The following ZNF676 variants were observed in gnomAD, a reference collection of about 807,000 sequenced individuals.
ZNF676 encodes the protein zinc finger protein 676.
In ZNF676, 4 loss-of-function variants were observed where a neutral mutation model predicts 6.0. The observed-to-expected ratio is 0.67, with a 90% confidence interval of 0.33 to 1.53. ZNF676 has a LOEUF of 1.53. Ranked by LOEUF, ZNF676 falls within the 40% of genes most tolerant of loss-of-function variation. ZNF676 has a pLI of 0.06. For synonymous variants in ZNF676, 198 were observed against 223.1 expected (o/e 0.89, Z 1.00); for missense variants, 644 against 679.7 (o/e 0.95, Z 0.58).
chr19:22,186,176 G>A (rs1001180958), intron 2 of ZNF676, among the ~76,000 whole-genome samples: 21 of 152,248 alleles, frequency 1.4e-4, no homozygotes, highest in Admixed American at 7.8e-4. Flanking sequence ...GACTAACAGT[G>A]GATCTCTCTG....
chr19:22,181,327 T>A lies in ZNF676; in HGVS notation c.390A>T (p.Arg130Ser), dbSNP rs772808312. The change falls in exon 3 of 3, where the codon AGA (arginine) becomes AGT (serine). Residue 130 changes from arginine to serine, a missense_variant. Physicochemically the swap from Arg to Ser is moderately radical, Grantham distance 110. Around this residue, in one of 5 missense-constraint regions of ZNF676, gnomAD observed 280 missense variants for 269.3 expected, o/e 1.04. Coordinates refer to ENST00000397121, the MANE Select transcript of ZNF676 (RefSeq NM_001001411.3). The part of the protein sequence containing the change: ...NVFHKCSNSN[R>S]HKIRHTGEKG... ...TCTCTCCAGTATGCCTTATCTTATG[T>A]CTGTTTGAATTTGAACATTTATGAA... 7.0e-5 allele frequency: 113 copies of A among 1,613,680 alleles called. No individual in the cohort carries two copies. Among genetic ancestry groups the A allele is most frequent in the Non-Finnish European group, 9.2e-5 (109 of 1,179,782 alleles).
At chr19:22,197,714 A>C (rs566294408), upstream of ZNF676, among the ~76,000 whole-genome samples, 1 of 152,326 alleles carries the variant, frequency 6.6e-6, no homozygotes, top group Admixed American at 6.5e-5. Context: ...GTTTATTCAC[A>C]TCAGCTGCAT....
chr19:22,254,497 T>G, the ZNF676 span, among the ~76,000 whole-genome samples: 13 of 152,214 alleles, frequency 8.5e-5, no homozygotes, highest in Middle Eastern at 3.4e-3. Context: ...CAAGATATGC[T>G]GGGCCCAGGG....
the ZNF676 span, among the ~76,000 whole-genome samples, chr19:22,232,819 T>G: frequency 1.3e-5 from 2 of 152,168 alleles, no homozygotes; most frequent in African/African-American, 4.8e-5. Flanking sequence ...AGCATGCTCC[T>G]GTTCAAAGGT....
In ZNF676 at chr19:22,179,777, C is replaced by T. The variant is rs556541241; in HGVS notation, c.*173G>A. 2.8e-5 allele frequency: 24 copies of T among 845,892 alleles called. No homozygotes were observed. The South Asian group carries it at 3.2e-4, about 11-fold the overall frequency. 52.4% of individuals were successfully genotyped at this position (845,892 alleles called of 1,614,324 possible). On this transcript the variant is annotated 3_prime_UTR_variant, in exon 3 of 3. Coordinates refer to ENST00000397121, the MANE Select transcript of ZNF676 (RefSeq NM_001001411.3). ...CGGTTGAAGCCTTTGTCACATTCTT[C>T]ACGTTTGTAGTGTTTCTCTCCAGCA... is the stretch of plus-strand genomic sequence containing the variant.
Position 22,181,273 on chromosome 19 carries a change from T to A in ZNF676, c.444A>T (p.Arg148Ser), listed in dbSNP as rs1183618838. 8 of 1,613,672 alleles carry A rather than the reference T, an allele frequency of 5.0e-6. No individual in the cohort carries two copies. Among genetic ancestry groups the A allele is most frequent in the Non-Finnish European group, 6.8e-6 (8 of 1,179,820 alleles). ...EKGLKCKEYV[R>S]SFCMLSHLSQ... ...ATAGGTGTGAAAGCATGCAAAATGA[T>A]CTGACATATTCTTTACATTTCAAAC... The change falls in exon 3 of 3, where the codon AGA becomes AGT. Residue 148 changes from arginine to serine, a missense_variant. Arg to Ser is a moderately radical substitution (Grantham distance 110). Around this residue, in one of 5 missense-constraint regions of ZNF676, gnomAD observed 280 missense variants for 269.3 expected, o/e 1.04. Coordinates refer to ENST00000397121, the MANE Select transcript of ZNF676 (RefSeq NM_001001411.3).
intron 1 of ZNF676, among the ~76,000 whole-genome samples, chr19:22,202,038 A>C (rs571259033): frequency 2.6e-5 from 4 of 152,094 alleles, no homozygotes; most frequent in African/African-American, 9.6e-5. Context: ...TCAGATAAAA[A>C]CTTTTTTTTT....
the ZNF676 span, among the ~76,000 whole-genome samples, chr19:22,257,852 G>A: frequency 7.9e-5 from 12 of 152,098 alleles, no homozygotes; most frequent in African/African-American, 2.2e-4. Flanking sequence ...CCTCAGGTGC[G>A]TAGGGCTTAG....
chr19:22,207,071 A>G (rs2024083851), intron 1 of ZNF676, among the ~76,000 whole-genome samples: 1 of 152,196 alleles, frequency 6.6e-6, no homozygotes. Context: ...TATATTCAAC[A>G]TAAAATTGGC....
chr19:22,201,006 C>T (rs59193684), upstream of ZNF676, among the ~76,000 whole-genome samples: 260 of 152,186 alleles, frequency 1.7e-3, 1 homozygote, highest in African/African-American at 5.9e-3. Context: ...AGAGGGTTCC[C>T]AGTGAACCTG....
At chr19:22,189,393 G>T (rs2023875781) in intron 2 of ZNF676, among the ~76,000 whole-genome samples, 1 of 151,720 alleles carries the variant, frequency 6.6e-6, no homozygotes, top group Admixed American at 6.6e-5. Flanking sequence ...TAAAGATGAT[G>T]TAATACCCCA....
intron 2 of ZNF676, among the ~76,000 whole-genome samples, chr19:22,191,751 C>G (rs1194185200): frequency 6.6e-6 from 1 of 152,142 alleles, no homozygotes; most frequent in Admixed American, 6.5e-5. Flanking sequence ...ATAAGCCAAC[C>G]CTAGTGCAGA....
At chr19:22,213,874 G>C (rs1214556975) in intron 1 of ZNF676, among the ~76,000 whole-genome samples, 17 of 152,176 alleles carry the variant, frequency 1.1e-4, no homozygotes, top group Non-Finnish European at 2.9e-5. Flanking sequence ...AAAAACTGAA[G>C]GGTGGCTGAG....
At chr19:22,190,047 T>C (rs2023882670) in intron 2 of ZNF676, among the ~76,000 whole-genome samples, 1 of 152,132 alleles carries the variant, frequency 6.6e-6, no homozygotes, top group African/African-American at 2.4e-5. Context: ...TTATAAATCA[T>C]TCTACTATAA....
the ZNF676 span, among the ~76,000 whole-genome samples, chr19:22,226,214 T>A: frequency 6.6e-6 from 1 of 152,160 alleles, no homozygotes; most frequent in Non-Finnish European, 1.5e-5. Context: ...TTGTGGAAGA[T>A]CATTATTTAC....
At chr19:22,213,396 G>A (rs1350786038) in intron 1 of ZNF676, among the ~76,000 whole-genome samples, 1 of 152,146 alleles carries the variant, frequency 6.6e-6, no homozygotes, top group Admixed American at 6.5e-5. Context: ...ACAGCAATGT[G>A]TCTCCAAGAA....
chr19:22,231,753 C>T, the ZNF676 span, among the ~76,000 whole-genome samples: 2 of 151,322 alleles, frequency 1.3e-5, no homozygotes, highest in African/African-American at 4.9e-5. Flanking sequence ...CAGGCGCGTG[C>T]CACCATGGCC....
At chr19:22,226,724 A>G in the ZNF676 span, among the ~76,000 whole-genome samples, 3 of 151,678 alleles carry the variant, frequency 2.0e-5, no homozygotes, top group Non-Finnish European at 4.4e-5. Context: ...AGCCTCCTGA[A>G]TAGTTGGGAT....
rs779894156 is a variant in ZNF676, at chr19:22,180,342, T to G, written c.1375A>C (p.Thr459Pro). The G allele has an allele frequency of 3.7e-6, 6 of 1,613,902 alleles. No homozygotes were observed. The African/African-American group carries it at 6.7e-5, about 18-fold the overall frequency. ...YKCEECGKAF[T>P]WSSSFTKHKR... The stretch of plus-strand genomic sequence containing the variant: ...TGTTTAGTAAAGCTTGAGGACCAGG[T>G]GAAGGCTTTGCCACATTCTTCACAT... Residue 459 changes from threonine (T) to proline (P), a missense_variant, in exon 3 of 3, where the codon ACC becomes CCC. This residue lies in a region of ZNF676 where 306 missense variants were observed against 265.4 expected (regional missense o/e 1.15). Transcript: ENST00000397121.
Sources: allele counts gnomAD v4.1 joint callset (sites outside exome capture counted in the v4.1 genomes callset), GRCh38; gene constraint gnomAD v4.1.1; regional missense constraint gnomAD v4.1.1; transcripts MANE v1.5; gene names NCBI Gene and HGNC (gene_info 2026-07-23, HGNC 2026-07-21).